The following DOCK3 variants were observed in gnomAD, a reference collection of about 807,000 sequenced individuals.
DOCK3 encodes the protein dedicator of cytokinesis 3, also known as dedicator of cytokinesis protein 3.
A neutral mutation model predicts 265.6 loss-of-function variants in DOCK3; 60 were observed. The ratio of observed to expected loss-of-function variants is 0.23; its 90% CI spans 0.18 to 0.28. The LOEUF is 0.28. DOCK3 is among the 10% of genes least tolerant of loss of function. DOCK3 has a pLI of 1.00. For missense variants in DOCK3, 1,981 were observed against 2,594.3 expected (o/e 0.76, Z 5.14); for synonymous variants, 881 against 938.0 (o/e 0.94, Z 1.11).
chr3:51,225,542 A>G, intron 14 of DOCK3, 107 bp from the exon 15 acceptor site: 1 of 1,485,962 alleles, frequency 6.7e-7, no homozygotes, highest in Non-Finnish European at 9.0e-7. Context: ...GAATGCCCTG[A>G]ACACCCACCC....
chr3:51,374,486 G>T lies in DOCK3; in HGVS notation c.5311G>T (p.Asp1771Tyr), dbSNP rs544013677. Residue 1771 changes from aspartate (D) to tyrosine (Y), a missense_variant, in exon 50 of 53, where the codon GAT (aspartate) becomes TAT (tyrosine). Coordinates refer to ENST00000266037, the MANE Select transcript of DOCK3 (RefSeq NM_004947.5). This position sits in a 1 kb window ranked among gnomAD's most constrained non-coding sequence, Gnocchi z 4.8. ...SSARGSPSLP[D>Y]KYRHAREMML... ...GGTTACAGGCTCTCCCTCTCTGCCAGATAAGTACCGCCATGCCCGTGAAAT... is the reference window on the plus strand; with the variant it reads ...GGTTACAGGCTCTCCCTCTCTGCCATATAAGTACCGCCATGCCCGTGAAAT... 8.7e-6 allele frequency: 14 copies of T among 1,613,564 alleles called. No individual in the cohort carries two copies. In the Admixed American group the frequency reaches 2.2e-4, roughly 25 times the overall value.
chr3:51,005,734 A>G (rs2078654056), intron 5 of DOCK3, among the ~76,000 whole-genome samples: 1 of 152,136 alleles, frequency 6.6e-6, no homozygotes, highest in Admixed American at 6.6e-5. Flanking sequence ...CATATAAGCC[A>G]TCATCATCAT....
chr3:50,717,784 G>A (rs569567352), intron 1 of DOCK3, among the ~76,000 whole-genome samples: 1 of 152,128 alleles, frequency 6.6e-6, no homozygotes, highest in South Asian at 2.1e-4. Context: ...CACCATGCCC[G>A]GCTAATTTTT....
intron 1 of DOCK3, among the ~76,000 whole-genome samples, chr3:50,680,428 G>A (rs1004428948): frequency 6.6e-6 from 1 of 150,726 alleles, no homozygotes; most frequent in African/African-American, 2.4e-5. Context: ...TGGCCAGGCC[G>A]GTCTCGAGCT....
At chr3:51,154,640 G>A (rs1432047533) in intron 10 of DOCK3, among the ~76,000 whole-genome samples, 1 of 152,178 alleles carries the variant, frequency 6.6e-6, no homozygotes, top group Non-Finnish European at 1.5e-5. Context: ...TAAAGCATCA[G>A]GAGAAATTGT....
intron 5 of DOCK3, among the ~76,000 whole-genome samples, chr3:50,984,114 C>G (rs1383362718): frequency 6.6e-6 from 1 of 151,840 alleles, no homozygotes; most frequent in Non-Finnish European, 1.5e-5. Context: ...CTTACTTGCC[C>G]TTGGCAGGTG....
chr3:50,807,249 C>CTTTT (rs59370167), intron 2 of DOCK3, among the ~76,000 whole-genome samples: 101 of 144,392 alleles, frequency 7.0e-4, no homozygotes, highest in Non-Finnish European at 1.1e-3. Flanking sequence ...CTGCCACGCT[C>CTTTT]TTTTTTTTTT....
intron 5 of DOCK3, among the ~76,000 whole-genome samples, chr3:51,048,300 G>T (rs1003182444): frequency 6.6e-6 from 1 of 152,104 alleles, no homozygotes; most frequent in Non-Finnish European, 1.5e-5. Flanking sequence ...AAAAGCTGAT[G>T]GTTTTCTTCT....
chr3:51,114,216 C>T (rs4478114), intron 9 of DOCK3, among the ~76,000 whole-genome samples: 137,246 of 152,286 alleles, frequency 0.9, 62,042 homozygotes, highest in African/African-American at 0.95. Context: ...CAGAACAGTG[C>T]GCCAAATAAC....
At chr3:51,333,845 G>T (rs1223796817) in intron 35 of DOCK3, among the ~76,000 whole-genome samples, 1 of 151,538 alleles carries the variant, frequency 6.6e-6, no homozygotes, top group East Asian at 1.9e-4. Context: ...AGTTCATGTG[G>T]AATAAGAATT....
chr3:50,940,205 A>G (rs1257017660), intron 5 of DOCK3, among the ~76,000 whole-genome samples: 1 of 151,182 alleles, frequency 6.6e-6, no homozygotes, highest in Admixed American at 6.6e-5. Context: ...GCTTGTCAGT[A>G]CTTTGGGAGG....
intron 3 of DOCK3, among the ~76,000 whole-genome samples, chr3:50,852,286 G>T (rs189660136): frequency 6.6e-6 from 1 of 152,244 alleles, no homozygotes; most frequent in East Asian, 1.9e-4. Flanking sequence ...AATGGCTAAG[G>T]CATGCTAAAA....
intron 5 of DOCK3, among the ~76,000 whole-genome samples, chr3:50,967,140 T>C (rs1559873266): frequency 6.6e-6 from 1 of 152,222 alleles, no homozygotes; most frequent in Non-Finnish European, 1.5e-5. Flanking sequence ...TTCATTTAAC[T>C]GTATGTTTGT....
chr3:51,228,183 C>A (rs1482836814), intron 17 of DOCK3, 95 bp downstream of exon 17: 3 of 1,231,982 alleles, frequency 2.4e-6, no homozygotes, highest in Non-Finnish European at 3.5e-6. Flanking sequence ...ACTGGGCAGG[C>A]CAGAAGACCA....
chr3:51,201,208 CA>C (rs1156546151), intron 12 of DOCK3, among the ~76,000 whole-genome samples: 1 of 150,556 alleles, frequency 6.6e-6, no homozygotes, highest in Admixed American at 6.6e-5. Flanking sequence ...CTAAATGCTC[CA>C]ATTAAAAGAC....
At chr3:51,074,992 T>TAACTA (rs2109370440) in intron 6 of DOCK3, among the ~76,000 whole-genome samples, 1 of 152,318 alleles carries the variant, frequency 6.6e-6, no homozygotes, top group Admixed American at 6.5e-5. Flanking sequence ...AACTAATGCA[T>TAACTA]AACTAAACCT....
At chr3:51,204,397 C>CA (rs2089040091) in intron 12 of DOCK3, among the ~76,000 whole-genome samples, 1 of 145,484 alleles carries the variant, frequency 6.9e-6, no homozygotes, top group Non-Finnish European at 1.5e-5. Context: ...TTTATGCAGC[C>CA]AAAAAACACA....
intron 5 of DOCK3, among the ~76,000 whole-genome samples, chr3:50,992,544 G>T (rs1195750573): frequency 2.6e-5 from 4 of 152,172 alleles, no homozygotes; most frequent in Non-Finnish European, 5.9e-5. Context: ...TGATCCGCAC[G>T]CCTCAGCCTC....
intron 44 of DOCK3, 41 bp downstream of exon 44, chr3:51,357,182 GC>G: frequency 6.3e-7 from 1 of 1,582,586 alleles, no homozygotes. Flanking sequence ...AGCCAGCCTG[GC>G]CAGGAAGGCG....
Sources: allele counts gnomAD v4.1 joint callset (sites outside exome capture counted in the v4.1 genomes callset), GRCh38; gene constraint gnomAD v4.1.1; non-coding constraint Gnocchi (gnomAD v3.1); transcripts MANE v1.5; gene names NCBI Gene and HGNC (gene_info 2026-07-23, HGNC 2026-07-21).